The following PRAMEF20 variants were observed in gnomAD, a reference collection of about 807,000 sequenced individuals.
PRAMEF20 encodes the protein PRAME family member 20, also known as PRAME family member 20/21.
PRAMEF20 carries 27 observed loss-of-function variants against 32.4 expected under a neutral mutation model. The observed-to-expected ratio is 0.83, with a 90% confidence interval of 0.61 to 1.15. PRAMEF20 has a LOEUF of 1.15. PRAMEF20 is among the 50% of genes most tolerant of loss of function. PRAMEF20 has a pLI of 0.00. For synonymous variants in PRAMEF20, 256 were observed against 235.4 expected (o/e 1.09, Z -0.80); for missense variants, 604 against 584.5 (o/e 1.03, Z -0.34).
chr1:13,417,912 G>GTGTGTGTGTGTGTGTGTT (rs1641198255), intron 1 of PRAMEF20, among the ~76,000 whole-genome samples: 3 of 73,622 alleles, frequency 4.1e-5, no homozygotes, highest in Non-Finnish European at 8.8e-5. Context: ...CGGCTAATTT[G>GTGTGTGTGTGTGTGTGTT]TGTGTGTGTG....
exon 2 of PRAMEF20, chr1:13,418,155 T>A: frequency 6.2e-7 from 1 of 1,613,116 alleles, no homozygotes. Context: ...ATTTACAGGA[T>A]GTCAGTGAGA....
At chr1:13,417,572 C>T (rs1380851107) in intron 1 of PRAMEF20, among the ~76,000 whole-genome samples, 19 of 150,570 alleles carry the variant, frequency 1.3e-4, no homozygotes, top group African/African-American at 3.7e-4. Flanking sequence ...CACTGCACTC[C>T]AGCCTGGGCG....
At chr1:13,419,719 C>T (rs1046018191) in intron 2 of PRAMEF20, among the ~76,000 whole-genome samples, 3 of 152,016 alleles carry the variant, frequency 2.0e-5, no homozygotes, top group South Asian at 2.1e-4. Flanking sequence ...CCACCGCACC[C>T]GGCCAAAACA....
At chr1:13,412,168 C>G (rs1641120948), upstream of PRAMEF20, among the ~76,000 whole-genome samples, 1 of 152,032 alleles carries the variant, frequency 6.6e-6, no homozygotes, top group Non-Finnish European at 1.5e-5. Context: ...GAGGCATGAG[C>G]CACCACACCA....
At chr1:13,416,321 G>T (rs1395414488), upstream of PRAMEF20, 2 of 1,612,136 alleles carry the variant, frequency 1.2e-6, no homozygotes, top group Admixed American at 3.3e-5. Context: ...CTCTGGATTT[G>T]TCCTCTGGAA....
At chr1:13,411,983 C>G (rs1449159120), upstream of PRAMEF20, among the ~76,000 whole-genome samples, 5 of 151,992 alleles carry the variant, frequency 3.3e-5, no homozygotes, top group Admixed American at 6.6e-5. Context: ...GCTGTGACCA[C>G]CTTAGTGGCT....
chr1:13,414,551 C>T (rs1402189103), upstream of PRAMEF20, among the ~76,000 whole-genome samples: 5 of 152,030 alleles, frequency 3.3e-5, no homozygotes, highest in African/African-American at 4.8e-5. Flanking sequence ...CTCTGCTTCC[C>T]GGGTTCAAGT....
chr1:13,416,667 G>A (rs1463198622), intron 1 of PRAMEF20, 26 bp downstream of exon 2: 1 of 1,613,708 alleles, frequency 6.2e-7, no homozygotes, highest in Non-Finnish European at 8.5e-7. Flanking sequence ...TGGGCTGGTG[G>A]GGAGGGCCCA....
upstream of PRAMEF20, among the ~76,000 whole-genome samples, chr1:13,413,690 G>T (rs1641134974): frequency 1.3e-5 from 2 of 151,994 alleles, no homozygotes; most frequent in Admixed American, 1.3e-4. Context: ...TGGCAAAGGG[G>T]TGATGTGATT....
intron 2 of PRAMEF20, among the ~76,000 whole-genome samples, chr1:13,419,036 C>G (rs1641214858): frequency 6.6e-6 from 1 of 152,116 alleles, no homozygotes; most frequent in African/African-American, 2.4e-5. Flanking sequence ...GCCTGTAATC[C>G]TAGCACTTTG....
At chr1:13,419,646 G>C (rs961965492) in intron 2 of PRAMEF20, among the ~76,000 whole-genome samples, 3 of 151,936 alleles carry the variant, frequency 2.0e-5, no homozygotes, top group South Asian at 2.1e-4. Context: ...GGATGGTCTC[G>C]ATCTCCTGAC....
upstream of PRAMEF20, among the ~76,000 whole-genome samples, chr1:13,411,858 C>T (rs1368910026): frequency 1.3e-5 from 2 of 151,988 alleles, no homozygotes; most frequent in Admixed American, 6.6e-5. Context: ...CAAGACTTTC[C>T]GAGTTGCATG....
In PRAMEF20 at chr1:13,416,664, G is replaced by T. The variant is rs1464959892; in HGVS notation, c.287+23G>T. ...CAGGTGAGGTGGCCCAAGTGGGCTG[G>T]TGGGGAGGGCCCAGGTGTCCAACAG... On this transcript the variant is annotated intron_variant, in intron 1 of 2. Transcript: ENST00000602960. 5 of 1,613,840 alleles carry T rather than the reference G, an allele frequency of 3.1e-6. No homozygotes were observed. In the Admixed American group the frequency reaches 8.3e-5, roughly 27 times the overall value.
chr1:13,418,330 T>C, exon 2 of PRAMEF20: 1 of 1,613,914 alleles, frequency 6.2e-7, no homozygotes, highest in Non-Finnish European at 8.5e-7. Flanking sequence ...ATACTTCACC[T>C]GCCTCTTTCT....
At chr1:13,417,156 C>G (rs533096209) in intron 1 of PRAMEF20, among the ~76,000 whole-genome samples, 10 of 152,100 alleles carry the variant, frequency 6.6e-5, no homozygotes, top group African/African-American at 2.2e-4. Context: ...GCTTCCACAG[C>G]GTGGAAGGGG....
In PRAMEF20 at chr1:13,416,462, T is replaced by C. The variant is rs200479150; in HGVS notation, c.108T>C (p.Phe36=). 6.2e-6 allele frequency: 10 copies of C among 1,613,718 alleles called. No homozygotes were observed. The East Asian group carries it at 6.7e-5, about 11-fold the overall frequency. Residue 36 remains phenylalanine (F), a synonymous_variant, in exon 1 of 3, where the codon TTT becomes TTC. Coordinates refer to ENST00000602960, the Ensembl canonical transcript of PRAMEF20. The stretch of plus-strand genomic sequence containing the variant: ...TGGAGGAGCTGCCCACGGAACTTTT[T>C]CCCCCATTGTTCATGGAGGCCTTCA...
intron 1 of PRAMEF20, 124 bp downstream of exon 2, chr1:13,416,765 C>T: frequency 6.4e-7 from 1 of 1,566,380 alleles, no homozygotes; most frequent in Non-Finnish European, 8.6e-7. Context: ...GGTGAGGAAG[C>T]TTAGAGAGGC....
At chr1:13,410,612 T>A in the PRAMEF20 span, 1 of 141,306 alleles carries the variant, frequency 7.1e-6, no homozygotes, top group Admixed American at 7.2e-5. Context: ...CACAGAGTTA[T>A]ATCCTGTCTT....
upstream of PRAMEF20, among the ~76,000 whole-genome samples, chr1:13,411,518 G>C (rs969911366): frequency 6.6e-6 from 1 of 152,094 alleles, no homozygotes; most frequent in African/African-American, 2.4e-5. Context: ...AAGAAAAACA[G>C]TCTTAAAGAT....
Sources: allele counts gnomAD v4.1 joint callset (sites outside exome capture counted in the v4.1 genomes callset), GRCh38; gene constraint gnomAD v4.1.1; transcripts MANE v1.5; gene names NCBI Gene and HGNC (gene_info 2026-07-23, HGNC 2026-07-21).